KCNIP4: variants seen among roughly 807,000 people sequenced by gnomAD.
KCNIP4 encodes the protein potassium voltage-gated channel interacting protein 4.
Under a neutral mutation model 34.0 loss-of-function variants are expected in KCNIP4, and 12 were observed. The observed-to-expected ratio is 0.35, with a 90% CI of 0.23 to 0.57. The LOEUF is 0.57. Ranked by LOEUF, KCNIP4 falls within the 20% of genes least tolerant of loss-of-function variation. The pLI is 0.83. For missense variants in KCNIP4, 238 were observed against 311.7 expected (o/e 0.76, Z 1.78); for synonymous variants, 124 against 102.2 (o/e 1.21, Z -1.29).
intron 3 of KCNIP4, among the ~76,000 whole-genome samples, chr4:20,803,727 G>GAGAGGAAGGA (rs1553898990): frequency 0.01 from 923 of 91,282 alleles, 9 homozygotes; most frequent in African/African-American, 0.027. Context: ...GAGAGAGAGA[G>GAGAGGAAGGA]AGGAAGGAAG....
chr4:21,173,212 A>G (rs1244536300), intron 1 of KCNIP4, among the ~76,000 whole-genome samples: 1 of 152,174 alleles, frequency 6.6e-6, no homozygotes, highest in African/African-American at 2.4e-5. Flanking sequence ...CAAGACTTGT[A>G]AACTGAGGGA....
At chr4:21,793,418 C>T (rs1357025226) in intron 1 of KCNIP4, among the ~76,000 whole-genome samples, 2 of 145,628 alleles carry the variant, frequency 1.4e-5, no homozygotes, top group Admixed American at 6.6e-5. Context: ...CCACCATGCC[C>T]GGCTAATTTT....
intron 1 of KCNIP4, among the ~76,000 whole-genome samples, chr4:21,893,465 T>C (rs1727219047): frequency 6.6e-6 from 1 of 152,218 alleles, no homozygotes; most frequent in African/African-American, 2.4e-5. Context: ...AGTATATCAG[T>C]TCCCATCAAT....
intron 1 of KCNIP4, among the ~76,000 whole-genome samples, chr4:20,989,777 C>A (rs1198028649): frequency 1.3e-5 from 2 of 151,900 alleles, no homozygotes; most frequent in South Asian, 4.2e-4. Context: ...AAGACCAGCC[C>A]GGGCAACATG....
rs7670847 is a variant in KCNIP4, at chr4:21,905,546, T to C, written c.61+43025A>G. ...GCAGCCATAAAAAATGATGAGTTCA[T>C]GTCCTTTGTAGGGACATGGATGAAA... is the stretch of plus-strand genomic sequence containing the variant. On this transcript the variant is annotated intron_variant, in intron 1 of 8. Transcript: ENST00000382152. Among the ~76,000 whole-genome samples, 1,026 of 152,298 alleles carry C rather than the reference T, an allele frequency of 6.7e-3. 14 individuals carry two copies. The highest frequency in any genetic ancestry group is 0.023 in the African/African-American group (971 of 41,562).
At chr4:21,106,008 C>G (rs1306116131) in intron 1 of KCNIP4, among the ~76,000 whole-genome samples, 2 of 151,396 alleles carry the variant, frequency 1.3e-5, no homozygotes, top group South Asian at 4.2e-4. Context: ...CAGTATTTTA[C>G]TGAGGATTTT....
chr4:21,877,884 G>A (rs1726226033), intron 1 of KCNIP4, among the ~76,000 whole-genome samples: 1 of 152,154 alleles, frequency 6.6e-6, no homozygotes, highest in Admixed American at 6.6e-5. Flanking sequence ...TAGACACTGA[G>A]GAATGTTCTG....
At chr4:21,803,709 T>C (rs1200574595) in intron 1 of KCNIP4, among the ~76,000 whole-genome samples, 2 of 152,138 alleles carry the variant, frequency 1.3e-5, no homozygotes, top group Non-Finnish European at 2.9e-5. Context: ...CTCAGTTCAA[T>C]AGACACTTCC....
intron 1 of KCNIP4, among the ~76,000 whole-genome samples, chr4:20,919,559 T>G (rs988731139): frequency 1.3e-5 from 2 of 151,634 alleles, no homozygotes; most frequent in Non-Finnish European, 2.9e-5. Context: ...AAAAATTAGC[T>G]GGGCGTGGTG....
intron 1 of KCNIP4, among the ~76,000 whole-genome samples, chr4:21,665,103 T>C (rs531354963): frequency 1.3e-5 from 2 of 152,294 alleles, no homozygotes; most frequent in East Asian, 1.9e-4. Flanking sequence ...GTCTGACATA[T>C]AGTGGGCTCT....
intron 1 of KCNIP4, among the ~76,000 whole-genome samples, chr4:21,033,221 G>C (rs745869804): frequency 3.3e-5 from 5 of 152,076 alleles, no homozygotes; most frequent in Non-Finnish European, 7.4e-5. Flanking sequence ...ACTCATCCCT[G>C]TCTATCTTCC....
At chr4:20,953,445 A>T (rs572996096) in intron 1 of KCNIP4, among the ~76,000 whole-genome samples, 1 of 152,220 alleles carries the variant, frequency 6.6e-6, no homozygotes, top group African/African-American at 2.4e-5. Flanking sequence ...AAGCCTCCAA[A>T]GTGAGGTGGG....
At chr4:21,321,730 C>T (rs1320707161) in intron 1 of KCNIP4, among the ~76,000 whole-genome samples, 3 of 119,398 alleles carry the variant, frequency 2.5e-5, no homozygotes, top group African/African-American at 9.9e-5. Flanking sequence ...AGGAGGGAGG[C>T]AGTGGGAGAA....
intron 1 of KCNIP4, among the ~76,000 whole-genome samples, chr4:21,087,263 A>G (rs1577668899): frequency 1.3e-5 from 2 of 148,988 alleles, no homozygotes; most frequent in African/African-American, 5.0e-5. Context: ...TGCAACCTCC[A>G]CCTCTTCAGT....
chr4:21,168,658 T>C lies in KCNIP4; in HGVS notation c.62-285949A>G, dbSNP rs73805034. On this transcript the variant is annotated intron_variant, in intron 1 of 8. Transcript: ENST00000382152. ...ACCAAAGAAAGATTAGGGAGATAAC[T>C]AGTATCTACTGAGTCCCCACTATAT... 4.9e-3 allele frequency among the ~76,000 whole-genome samples: 746 copies of C among 152,324 alleles called. 3 individuals carry two copies. The highest frequency in any genetic ancestry group is 0.016 in the African/African-American group (646 of 41,584).
intron 1 of KCNIP4, among the ~76,000 whole-genome samples, chr4:21,710,372 C>T (rs562087029): frequency 2.0e-5 from 3 of 152,262 alleles, no homozygotes; most frequent in East Asian, 3.9e-4. Flanking sequence ...ACCCTGCCAT[C>T]GTGGTGCATA....
At chr4:20,745,071 G>A (rs1752121253) in intron 5 of KCNIP4, among the ~76,000 whole-genome samples, 1 of 152,182 alleles carries the variant, frequency 6.6e-6, no homozygotes. Flanking sequence ...ACAGAGATGT[G>A]CTTCTTTCCT....
At chr4:21,469,195 G>GC (rs1289497383) in intron 1 of KCNIP4, among the ~76,000 whole-genome samples, 1 of 151,978 alleles carries the variant, frequency 6.6e-6, no homozygotes, top group African/African-American at 2.4e-5. Flanking sequence ...CTCCCAAGTA[G>GC]CTGGGACTAC....
chr4:21,438,269 T>G (rs1269830521), intron 1 of KCNIP4, among the ~76,000 whole-genome samples: 1 of 152,182 alleles, frequency 6.6e-6, no homozygotes, highest in East Asian at 1.9e-4. Flanking sequence ...AGCTAAAGAT[T>G]TCTAAGGATT....
Sources: gnomAD v4.1 joint callset for allele counts (sites outside exome capture counted in the v4.1 genomes callset) on GRCh38, gnomAD v4.1.1 for gene constraint, MANE v1.5 for transcripts, NCBI Gene and HGNC (gene_info 2026-07-23, HGNC 2026-07-21) for gene names.